Variants in AFG2A observed in about 807,000 individuals in gnomAD.
AFG2A encodes the protein AAA ATPase AFG2A, also known as ATPase family gene 2 protein homolog A.
chr4:122,947,527 C>T, the AFG2A span: 1 of 1,449,776 alleles, frequency 6.9e-7, no homozygotes, highest in East Asian at 2.5e-5. Context: ...TATTGATGCA[C>T]TTATCTCCAG....
At chr4:123,069,752 A>G in the AFG2A span, among the ~76,000 whole-genome samples, 1 of 152,220 alleles carries the variant, frequency 6.6e-6, no homozygotes, top group Admixed American at 6.5e-5. Flanking sequence ...TAAAATAAAT[A>G]ACTACTTGAG....
chr4:123,019,571 G>A, the AFG2A span, among the ~76,000 whole-genome samples: 1 of 152,058 alleles, frequency 6.6e-6, no homozygotes, highest in Non-Finnish European at 1.5e-5. Flanking sequence ...GGGAATTGCT[G>A]CTATTTTTAT....
At chr4:123,016,654 A>C in the AFG2A span, among the ~76,000 whole-genome samples, 15 of 148,268 alleles carry the variant, frequency 1.0e-4, no homozygotes, top group Admixed American at 1.0e-3. Context: ...AGCCAGGCAG[A>C]GGGGCTCCTC....
At chr4:123,112,137 A>C in the AFG2A span, among the ~76,000 whole-genome samples, 1 of 152,174 alleles carries the variant, frequency 6.6e-6, no homozygotes, top group Non-Finnish European at 1.5e-5. Context: ...TACATTCAGA[A>C]CTCTGGACTC....
the AFG2A span, among the ~76,000 whole-genome samples, chr4:123,222,309 T>C: frequency 6.6e-6 from 1 of 152,212 alleles, no homozygotes; most frequent in African/African-American, 2.4e-5. Context: ...AAATTCTCCT[T>C]TAAAACTCTG....
the AFG2A span, among the ~76,000 whole-genome samples, chr4:123,106,529 G>C: frequency 1.2e-4 from 18 of 152,140 alleles, no homozygotes; most frequent in Admixed American, 1.2e-3. Context: ...GTTTAATTCG[G>C]AACACAAAGG....
the AFG2A span, among the ~76,000 whole-genome samples, chr4:123,110,276 A>G: frequency 6.6e-6 from 1 of 152,084 alleles, no homozygotes; most frequent in African/African-American, 2.4e-5. Context: ...GTGATAGTTG[A>G]TTGCCCTGCT....
the AFG2A span, among the ~76,000 whole-genome samples, chr4:123,182,093 AACTC>A: frequency 3.3e-5 from 5 of 152,186 alleles, no homozygotes; most frequent in African/African-American, 4.8e-5. Flanking sequence ...AAATGACACT[AACTC>A]TGCCTACCTC....
At chr4:122,967,218 T>C in the AFG2A span, among the ~76,000 whole-genome samples, 2 of 152,076 alleles carry the variant, frequency 1.3e-5, no homozygotes, top group Admixed American at 6.5e-5. Context: ...GCCTGGGCAA[T>C]GTAGCAAGGC....
the AFG2A span, among the ~76,000 whole-genome samples, chr4:123,124,036 G>T: frequency 2.0e-5 from 3 of 148,656 alleles, no homozygotes; most frequent in South Asian, 2.2e-4. Context: ...TTACACTGTT[G>T]TTGGGACTGT....
At chr4:123,261,906 A>T in the AFG2A span, among the ~76,000 whole-genome samples, 2 of 152,022 alleles carry the variant, frequency 1.3e-5, no homozygotes, top group Non-Finnish European at 2.9e-5. Flanking sequence ...AAGCCTCCTG[A>T]GTAGCTCAGA....
At chr4:122,929,033 C>G in the AFG2A span, 1 of 1,611,452 alleles carries the variant, frequency 6.2e-7, no homozygotes, top group Non-Finnish European at 8.5e-7. Context: ...TTTCCTCTGT[C>G]TGGCAGGTGT....
chr4:123,039,689 G>T, the AFG2A span, among the ~76,000 whole-genome samples: 1 of 150,936 alleles, frequency 6.6e-6, no homozygotes, highest in Non-Finnish European at 1.5e-5. Context: ...TTCTTGCTTT[G>T]CAGTCTAGTA....
the AFG2A span, among the ~76,000 whole-genome samples, chr4:122,946,133 A>G: frequency 4.2e-3 from 640 of 152,368 alleles, 3 homozygotes; most frequent in Non-Finnish European, 5.9e-3. Context: ...TAGTTTGTCC[A>G]TTTACAGTAA....
chr4:123,123,552 G>C, the AFG2A span, among the ~76,000 whole-genome samples: 1 of 152,028 alleles, frequency 6.6e-6, no homozygotes, highest in African/African-American at 2.4e-5. Context: ...AAAATATCTG[G>C]TATACTCTGC....
the AFG2A span, among the ~76,000 whole-genome samples, chr4:123,003,125 G>T: frequency 2.0e-5 from 3 of 152,006 alleles, no homozygotes; most frequent in African/African-American, 7.3e-5. Context: ...CATTCTTCAC[G>T]TAGTTCTCGA....
the AFG2A span, among the ~76,000 whole-genome samples, chr4:123,279,333 T>C: frequency 6.6e-6 from 1 of 151,670 alleles, no homozygotes; most frequent in Admixed American, 6.6e-5. Context: ...TCACTTGAAC[T>C]CAGGAGGCAG....
At chr4:123,147,874 G>T in the AFG2A span, among the ~76,000 whole-genome samples, 2 of 152,054 alleles carry the variant, frequency 1.3e-5, no homozygotes, top group African/African-American at 2.4e-5. Context: ...CAATCCAGAA[G>T]AAACGTAATA....
chr4:122,996,599 A>AGATAGAT, the AFG2A span, among the ~76,000 whole-genome samples: 1 of 151,772 alleles, frequency 6.6e-6, no homozygotes, highest in Admixed American at 6.6e-5. Flanking sequence ...ATAGATAGAT[A>AGATAGAT]GATAGATAGA....
Sources: allele counts gnomAD v4.1 joint callset (sites outside exome capture counted in the v4.1 genomes callset), GRCh38; gene constraint gnomAD v4.1.1; transcripts MANE v1.5; gene names NCBI Gene and HGNC (gene_info 2026-07-23, HGNC 2026-07-21).